The following RMRP variants were observed in gnomAD, a reference collection of about 807,000 sequenced individuals.
RMRP encodes RNA component of mitochondrial RNA processing endoribonuclease.
At position 35,657,785 on chromosome 9, in the gene RMRP, T is replaced by TGC. The variant is rs1192316579; in HGVS notation, n.231_232dup. 17 of 697,884 alleles carry TGC rather than the reference T, an allele frequency of 2.4e-5. No homozygotes were observed. The highest frequency in any genetic ancestry group is 3.7e-4 in the Middle Eastern group (1 of 2,728). 43.2% of individuals were successfully genotyped at this position (697,884 alleles called of 1,614,324 possible). On this transcript the variant is annotated non_coding_transcript_exon_variant, in exon 1 of 1. Transcript: ENST00000363046. ...CTGAGAATGAGCCCCGTGTGGTTGGTGCGCGGACACGCACTGCCTGCGTAA... is the reference window on the plus strand; with the variant it reads ...CTGAGAATGAGCCCCGTGTGGTTGGTGCGCGCGGACACGCACTGCCTGCGTAA...
Position 35,657,973 on chromosome 9 carries a change from A to T in RMRP, n.45T>A, listed in dbSNP as rs529328233. ...TCCCCTAGGCGGAAAGGGGAGGAAC[A>T]GAGTCCTCAGTGTGTAGCCTAGGAT... is the stretch of plus-strand genomic sequence containing the variant. On this transcript the variant is annotated non_coding_transcript_exon_variant, in exon 1 of 1. Transcript: ENST00000363046. 511 of 700,454 alleles carry T rather than the reference A, an allele frequency of 7.3e-4. 7 individuals carry two copies. Among genetic ancestry groups the T allele is most frequent in the South Asian group, 6.4e-3 (435 of 67,508 alleles). The allele number at this position is 700,454 out of a possible 1,614,324, so 43.4% of individuals were successfully genotyped here.
At position 35,657,924 on chromosome 9, in the gene RMRP, T is replaced by C. The variant is rs1338745014; in HGVS notation, n.94A>G. 8 of 700,296 alleles carry C rather than the reference T, an allele frequency of 1.1e-5. No homozygotes were observed. The highest frequency in any genetic ancestry group is 5.4e-5 in the East Asian group (2 of 37,290). 43.4% of individuals were successfully genotyped at this position (700,296 alleles called of 1,614,324 possible). On this transcript the variant is annotated non_coding_transcript_exon_variant, in exon 1 of 1. Transcript: ENST00000363046. ...GTCTACGTGCGTATGCACGTGGCAC[T>C]CTCTGCCCGAGGTCCGGGGACTTTC...
At chr9:35,657,918 T>TG in exon 1 of RMRP, 1 of 700,238 alleles carries the variant, frequency 1.4e-6, no homozygotes, top group Non-Finnish European at 2.6e-6. Context: ...CGTATGCACG[T>TG]GGCACTCTCT....
chr9:35,657,950 C>A (rs1823622604), exon 1 of RMRP: 5 of 700,432 alleles, frequency 7.1e-6, no homozygotes, highest in Non-Finnish European at 1.3e-5. Flanking sequence ...GGGGACTTTC[C>A]CCTAGGCGGA....
In RMRP at chr9:35,657,836, C is replaced by A. The variant is rs1554651153; in HGVS notation, n.182G>T. 1 of 693,330 alleles carries A rather than the reference C, an allele frequency of 1.4e-6. No homozygotes were observed. Among genetic ancestry groups the A allele is most frequent in the East Asian group, 2.7e-5 (1 of 37,286 alleles). The allele number at this position is 693,330 out of a possible 1,614,324, so 42.9% of individuals were successfully genotyped here. A position where few individuals can be genotyped will look rare whatever the true frequency, so the allele number is the denominator to read the frequency against. On this transcript the variant is annotated non_coding_transcript_exon_variant, in exon 1 of 1. Coordinates refer to ENST00000363046, the Ensembl canonical transcript of RMRP. ...CTAGAGGGAGCTGACGGATGACGCC[C>A]CCGCGCCACGCCGCTCAGCGGGATA...
exon 1 of RMRP, chr9:35,657,834 C>T (rs908555769): frequency 2.9e-6 from 2 of 693,104 alleles, no homozygotes; most frequent in African/African-American, 2.0e-5. Context: ...ACGGATGACG[C>T]CCCCGCGCCA....
At chr9:35,657,857 G>T (rs370797103) in exon 1 of RMRP, 1 of 694,258 alleles carries the variant, frequency 1.4e-6, no homozygotes, top group African/African-American at 1.9e-5. Context: ...CCGCTCAGCG[G>T]GATACGCTTC....
chr9:35,657,866 T>TA lies in RMRP; in HGVS notation n.151_152insT, dbSNP rs745372450. 1.3e-5 allele frequency: 9 copies of TA among 693,158 alleles called. No individual in the cohort carries two copies. The highest frequency in any genetic ancestry group is 6.1e-5 in the Admixed American group (3 of 49,558). The allele number at this position is 693,158 out of a possible 1,614,324, so 42.9% of individuals were successfully genotyped here. A position where few individuals can be genotyped will look rare whatever the true frequency, so the allele number is the denominator to read the frequency against. On this transcript the variant is annotated non_coding_transcript_exon_variant, in exon 1 of 1. Coordinates refer to ENST00000363046, the Ensembl canonical transcript of RMRP. ...GCCACGCCGCTCAGCGGGATACGCT[T>TA]CTTGGCGGACTTTGGAGTGGGAAGC... is the stretch of plus-strand genomic sequence containing the variant.
Position 35,657,941 on chromosome 9 carries a change from G to A in RMRP, n.77C>T, listed in dbSNP as rs1042583858. On this transcript the variant is annotated non_coding_transcript_exon_variant, in exon 1 of 1. Coordinates refer to ENST00000363046, the Ensembl canonical transcript of RMRP. ...CGTGGCACTCTCTGCCCGAGGTCCGGGGACTTTCCCCTAGGCGGAAAGGGG... is the reference window on the plus strand; with the variant it reads ...CGTGGCACTCTCTGCCCGAGGTCCGAGGACTTTCCCCTAGGCGGAAAGGGG... 3 of 700,336 alleles carry A rather than the reference G, an allele frequency of 4.3e-6. No individual in the cohort carries two copies. The highest frequency in any genetic ancestry group is 7.8e-6 in the Non-Finnish European group (3 of 384,830). The allele number at this position is 700,336 out of a possible 1,614,324, so 43.4% of individuals were successfully genotyped here.
Position 35,657,920 on chromosome 9 carries a change from G to GCA in RMRP, n.96_97dup, listed in dbSNP as rs1340624774. 1.0e-5 allele frequency: 7 copies of GCA among 700,392 alleles called. No homozygotes were observed. The highest frequency in any genetic ancestry group is 1.6e-5 in the Non-Finnish European group (6 of 384,818). The allele number at this position is 700,392 out of a possible 1,614,324, so 43.4% of individuals were successfully genotyped here. A position where few individuals can be genotyped will look rare whatever the true frequency, so the allele number is the denominator to read the frequency against. ...GAATGTCTACGTGCGTATGCACGTGGCACTCTCTGCCCGAGGTCCGGGGAC... is the reference window on the plus strand; with the variant it reads ...GAATGTCTACGTGCGTATGCACGTGGCACACTCTCTGCCCGAGGTCCGGGGAC... On this transcript the variant is annotated non_coding_transcript_exon_variant, in exon 1 of 1. Transcript: ENST00000363046.
chr9:35,658,018 C>CACGTCCTCAGCTTCACAGAGT (rs1554651387), upstream of RMRP: 4 of 690,004 alleles, frequency 5.8e-6, no homozygotes, highest in East Asian at 2.7e-5. Flanking sequence ...CAGCACGAAC[C>CACGTCCTCAGCTTCACAGAGT]ACGTCCTCAG....
exon 1 of RMRP, chr9:35,658,014 G>GAACCACGTCCTCAGCTTCACAGAGTA: frequency 1.4e-6 from 1 of 691,348 alleles, no homozygotes; most frequent in Non-Finnish European, 2.6e-6. Flanking sequence ...CCTTCAGCAC[G>GAACCACGTCCTCAGCTTCACAGAGTA]AACCACGTCC....
In RMRP at chr9:35,657,770, G is replaced by A. The variant is rs1554651104; in HGVS notation, n.248C>T. The A allele has an allele frequency of 1.4e-6, 1 of 695,500 alleles. No individual in the cohort carries two copies. Among genetic ancestry groups the A allele is most frequent in the Non-Finnish European group, 2.6e-6 (1 of 380,782 alleles). 43.1% of individuals were successfully genotyped at this position (695,500 alleles called of 1,614,324 possible). On this transcript the variant is annotated non_coding_transcript_exon_variant, in exon 1 of 1. Coordinates refer to ENST00000363046, the Ensembl canonical transcript of RMRP. ...CAAAAAACAGCCGCGCTGAGAATGA[G>A]CCCCGTGTGGTTGGTGCGCGGACAC...
chr9:35,657,952 CT>C lies in RMRP; in HGVS notation n.65del, dbSNP rs1317019943. 1 of 700,438 alleles carries C rather than the reference CT, an allele frequency of 1.4e-6. No homozygotes were observed. The allele number at this position is 700,438 out of a possible 1,614,324, so 43.4% of individuals were successfully genotyped here. ...CTGCCCGAGGTCCGGGGACTTTCCC[CT>C]AGGCGGAAAGGGGAGGAACAGAGTC... On this transcript the variant is annotated non_coding_transcript_exon_variant, in exon 1 of 1. Transcript: ENST00000363046.
chr9:35,657,977 T>G (rs928731584), exon 1 of RMRP: 3 of 700,118 alleles, frequency 4.3e-6, no homozygotes, highest in African/African-American at 3.5e-5. Context: ...AGGAACAGAG[T>G]CCTCAGTGTG....
At position 35,657,858 on chromosome 9, in the gene RMRP, G is replaced by C. The variant is rs751373603; in HGVS notation, n.160C>G. ...GCCCCCGCGCCACGCCGCTCAGCGG[G>C]ATACGCTTCTTGGCGGACTTTGGAG... is the stretch of plus-strand genomic sequence containing the variant. On this transcript the variant is annotated non_coding_transcript_exon_variant, in exon 1 of 1. Coordinates refer to ENST00000363046, the Ensembl canonical transcript of RMRP. 4 of 700,472 alleles carry C rather than the reference G, an allele frequency of 5.7e-6. No homozygotes were observed. The highest frequency in any genetic ancestry group is 4.0e-5 in the Admixed American group (2 of 50,016). The allele number at this position is 700,472 out of a possible 1,614,324, so 43.4% of individuals were successfully genotyped here. A position where few individuals can be genotyped will look rare whatever the true frequency, so the allele number is the denominator to read the frequency against.
chr9:35,657,949 C>A lies in RMRP; in HGVS notation n.69G>T, dbSNP rs1323212042. 1.4e-5 allele frequency: 10 copies of A among 700,438 alleles called. No homozygotes were observed. Among genetic ancestry groups the A allele is most frequent in the Non-Finnish European group, 2.6e-5 (10 of 384,816 alleles). 43.4% of individuals were successfully genotyped at this position (700,438 alleles called of 1,614,324 possible). ...TCTCTGCCCGAGGTCCGGGGACTTT[C>A]CCCTAGGCGGAAAGGGGAGGAACAG... On this transcript the variant is annotated non_coding_transcript_exon_variant, in exon 1 of 1. Transcript: ENST00000363046.
chr9:35,657,817 G>A lies in RMRP; in HGVS notation n.201C>T, dbSNP rs183570217. On this transcript the variant is annotated non_coding_transcript_exon_variant, in exon 1 of 1. Coordinates refer to ENST00000363046, the Ensembl canonical transcript of RMRP. ...ACACGCACTGCCTGCGTAACTAGAG[G>A]GAGCTGACGGATGACGCCCCCGCGC... 20 of 692,802 alleles carry A rather than the reference G, an allele frequency of 2.9e-5. No individual in the cohort carries two copies. Among genetic ancestry groups the A allele is most frequent in the African/African-American group, 1.8e-4 (9 of 50,368 alleles). 42.9% of individuals were successfully genotyped at this position (692,802 alleles called of 1,614,324 possible). A position where few individuals can be genotyped will look rare whatever the true frequency, so the allele number is the denominator to read the frequency against.
upstream of RMRP, chr9:35,658,019 A>ACGTCCTCAGCTTCACAGAGT (rs1554651403): frequency 1.0e-5 from 7 of 689,916 alleles, no homozygotes; most frequent in Admixed American, 6.0e-5. Context: ...AGCACGAACC[A>ACGTCCTCAGCTTCACAGAGT]CGTCCTCAGC....
Sources: gnomAD v4.1 joint callset for allele counts on GRCh38, gnomAD v4.1.1 for gene constraint, MANE v1.5 for transcripts, NCBI Gene and HGNC (gene_info 2026-07-23, HGNC 2026-07-21) for gene names.